The following SLC24A2 variants were observed in gnomAD, a reference collection of about 807,000 sequenced individuals.
SLC24A2 encodes sodium/potassium/calcium exchanger 2.
Under a neutral mutation model 62.0 loss-of-function variants are expected in SLC24A2, and 36 were observed. The ratio of observed to expected loss-of-function variants is 0.58; its 90% CI spans 0.44 to 0.77. The LOEUF (loss-of-function observed/expected upper bound fraction) is 0.77, where lower values mean the gene tolerates loss of function less well. Ranked by LOEUF, SLC24A2 falls within the 30% of genes least tolerant of loss-of-function variation. The pLI, the probability that SLC24A2 is intolerant of heterozygous loss-of-function variation, is 0.00. For missense variants in SLC24A2, 846 were observed against 817.9 expected, an observed-to-expected ratio of 1.03 and a Z score of -0.42; for synonymous variants, 358 against 294.0, an observed-to-expected ratio of 1.22 and a Z score of -2.23.
At chr9:20,174,649 C>T in the SLC24A2 span, among the ~76,000 whole-genome samples, 1 of 151,836 alleles carries the variant, frequency 6.6e-6, no homozygotes, top group Non-Finnish European at 1.5e-5. Context: ...AACCACAATG[C>T]AATACCGCCT....
intron 2 of SLC24A2, among the ~76,000 whole-genome samples, chr9:19,703,777 G>C (rs1820425660): frequency 6.6e-6 from 1 of 152,146 alleles, no homozygotes; most frequent in Non-Finnish European, 1.5e-5. Flanking sequence ...TATATGACAG[G>C]AAGTACTATG....
the SLC24A2 span, among the ~76,000 whole-genome samples, chr9:19,951,441 T>C: frequency 2.0e-5 from 3 of 152,184 alleles, no homozygotes; most frequent in East Asian, 5.8e-4. Flanking sequence ...TAACCTAATG[T>C]CACAAAGGAT....
chr9:20,051,560 T>A, the SLC24A2 span, among the ~76,000 whole-genome samples: 1 of 151,710 alleles, frequency 6.6e-6, no homozygotes, highest in African/African-American at 2.4e-5. Context: ...CAAGCATACA[T>A]TGAAATTTAC....
intron 9 of SLC24A2, among the ~76,000 whole-genome samples, chr9:19,526,873 C>T (rs935924429): frequency 6.6e-6 from 1 of 152,024 alleles, no homozygotes; most frequent in Non-Finnish European, 1.5e-5. Context: ...AATTTTCTTG[C>T]TTTCATGGAT....
the SLC24A2 span, among the ~76,000 whole-genome samples, chr9:20,217,700 C>G: frequency 6.6e-6 from 1 of 152,168 alleles, no homozygotes; most frequent in East Asian, 1.9e-4. Context: ...CAGCGCTACC[C>G]AAGTCTCTCA....
chr9:20,023,364 C>T, the SLC24A2 span, among the ~76,000 whole-genome samples: 1 of 152,132 alleles, frequency 6.6e-6, no homozygotes, highest in Non-Finnish European at 1.5e-5. Flanking sequence ...AAAGGGAACT[C>T]CATAGTGCAG....
chr9:20,037,932 T>A, the SLC24A2 span, among the ~76,000 whole-genome samples: 4 of 152,142 alleles, frequency 2.6e-5, no homozygotes, highest in African/African-American at 9.7e-5. Flanking sequence ...AAAAGCAATA[T>A]CAAAAAATTA....
chr9:19,509,788 A>C lies in SLC24A2; in HGVS notation c.*6365T>G, dbSNP rs1832648126. 1 of 152,166 alleles carries C rather than the reference A, an allele frequency of 6.6e-6. No homozygotes were observed. The allele number at this position is 152,166 out of a possible 1,614,324, so 9.4% of individuals were successfully genotyped here. On this transcript the variant is annotated 3_prime_UTR_variant, in exon 11 of 11. Transcript: ENST00000341998. ...TAGCTGAGTATTTTGGAGAACTGTT[A>C]GTCTCCAAGGCCTTAGTTACTTATG...
intron 9 of SLC24A2, among the ~76,000 whole-genome samples, chr9:19,522,384 G>A (rs1255246398): frequency 6.6e-6 from 1 of 152,062 alleles, no homozygotes. Context: ...TTTCCATCTG[G>A]TTTCCAACAG....
At chr9:19,610,558 G>A (rs776910439) in intron 4 of SLC24A2, among the ~76,000 whole-genome samples, 4 of 152,218 alleles carry the variant, frequency 2.6e-5, no homozygotes, top group Non-Finnish European at 5.9e-5. Context: ...TCAGGAAGGT[G>A]TGAGGCAGAC....
chr9:19,669,428 C>T (rs1045061585), intron 2 of SLC24A2, among the ~76,000 whole-genome samples: 18 of 152,294 alleles, frequency 1.2e-4, no homozygotes, highest in African/African-American at 4.3e-4. Context: ...AAAATGTCAA[C>T]AATGCAGATA....
At chr9:19,524,137 C>T (rs372536886) in intron 9 of SLC24A2, among the ~76,000 whole-genome samples, 1 of 84,702 alleles carries the variant, frequency 1.2e-5, no homozygotes, top group Non-Finnish European at 2.1e-5. Context: ...ACTTCATTTT[C>T]AAAAAAAAAA....
At chr9:20,182,161 C>T in the SLC24A2 span, among the ~76,000 whole-genome samples, 17 of 152,292 alleles carry the variant, frequency 1.1e-4, no homozygotes, top group Admixed American at 2.0e-4. Flanking sequence ...TAAATAGGAA[C>T]GCTTTTACAC....
chr9:19,663,414 A>G (rs990754038), intron 2 of SLC24A2, among the ~76,000 whole-genome samples: 2 of 152,224 alleles, frequency 1.3e-5, no homozygotes, highest in African/African-American at 4.8e-5. Context: ...AGCACAATGC[A>G]TAGCCACAGG....
rs1832900452 is a variant in SLC24A2 at position 19,515,862 on chromosome 9, T to G, written c.*291A>C. ...TATATAGCCTGTGTCCTTGTTTGCA[T>G]CGACTGTACCTCCGACCAGCGAGGT... On this transcript the variant is annotated 3_prime_UTR_variant, in exon 11 of 11. Coordinates refer to ENST00000341998, the MANE Select transcript of SLC24A2 (RefSeq NM_020344.4). 2.3e-6 allele frequency: 1 copy of G among 428,074 alleles called. No individual in the cohort carries two copies. Among genetic ancestry groups the G allele is most frequent in the Admixed American group, 3.5e-5 (1 of 28,600 alleles). The allele number at this position is 428,074 out of a possible 1,614,324, so 26.5% of individuals were successfully genotyped here.
At chr9:19,721,421 CTTTAA>C (rs1821021840) in intron 2 of SLC24A2, among the ~76,000 whole-genome samples, 1 of 152,078 alleles carries the variant, frequency 6.6e-6, no homozygotes, top group South Asian at 2.1e-4. Context: ...GGAGCCAGTG[CTTTAA>C]TTTGACTGGT....
At chr9:20,012,594 A>T in the SLC24A2 span, among the ~76,000 whole-genome samples, 1 of 152,162 alleles carries the variant, frequency 6.6e-6, no homozygotes, top group Non-Finnish European at 1.5e-5. Context: ...AAGAAGTAAA[A>T]TTGTCTCTAT....
the SLC24A2 span, among the ~76,000 whole-genome samples, chr9:19,836,869 G>A: frequency 6.6e-6 from 1 of 152,124 alleles, no homozygotes; most frequent in Non-Finnish European, 1.5e-5. Flanking sequence ...ACATCAAAAA[G>A]CTTATCCACC....
At chr9:20,015,981 T>G in the SLC24A2 span, among the ~76,000 whole-genome samples, 1 of 152,226 alleles carries the variant, frequency 6.6e-6, no homozygotes, top group African/African-American at 2.4e-5. Context: ...ATTTAAGCAT[T>G]TCCTTCTATT....
Sources: allele counts gnomAD v4.1 joint callset (sites outside exome capture counted in the v4.1 genomes callset), GRCh38; gene constraint gnomAD v4.1.1; transcripts MANE v1.5; gene names NCBI Gene and HGNC (gene_info 2026-07-23, HGNC 2026-07-21).